Variants in DHX8 observed in about 807,000 individuals in gnomAD.
DHX8 encodes the protein ATP-dependent RNA helicase DHX8.
DHX8 carries 67 observed loss-of-function variants against 140.7 expected under a neutral mutation model. That is an observed-to-expected ratio of 0.48 (90% CI 0.39 to 0.58). The LOEUF (loss-of-function observed/expected upper bound fraction) is 0.58. Among genes scored for constraint, DHX8 ranks in the 20% least tolerant of loss-of-function variants. The probability of loss-of-function intolerance (pLI) is 0.00; values close to 1 mark genes in which losing one functional copy is unlikely to be tolerated. For synonymous variants in DHX8, 533 were observed against 553.2 expected (o/e 0.96, Z 0.51); for missense variants, 887 against 1,550.7 (o/e 0.57, Z 7.19).
chr17:43,538,995 T>G (rs536697696), intron 3 of DHX8, among the ~76,000 whole-genome samples: 80 of 152,142 alleles, frequency 5.3e-4, no homozygotes, highest in Non-Finnish European at 9.7e-4. Flanking sequence ...AGGCTAAGGC[T>G]CCATCATTTC....
Position 43,513,426 on chromosome 17 carries a change from A to G in DHX8, c.2567A>G (p.Asp856Gly). The G allele has an allele frequency of 6.2e-7, 1 of 1,614,048 alleles. No homozygotes were observed. Among genetic ancestry groups the G allele is most frequent in the South Asian group, 1.1e-5 (1 of 91,054 alleles). The change falls in exon 17 of 23, where the codon GAC (aspartate) becomes GGC (glycine). Residue 856 changes from aspartate (D) to glycine (G), a missense_variant. Around this residue, in one of 9 missense-constraint regions of DHX8, gnomAD observed 151 missense variants for 388.3 expected, o/e 0.39. Coordinates refer to ENST00000262415, the MANE Select transcript of DHX8 (RefSeq NM_004941.3). ...ATTGATGGTATCTACTATGTGGTGG[A>G]CCCAGGATTCGTGAAACAGAAAGTT... ...LTIDGIYYVV[D>G]PGFVKQKVYN...
At chr17:43,520,022 C>T (rs1970298264) in intron 18 of DHX8, 108 bp from the exon 19 acceptor site, 3 of 1,331,440 alleles carry the variant, frequency 2.3e-6, no homozygotes, top group Admixed American at 1.8e-5. Flanking sequence ...CGGTGGCTTC[C>T]TAATTGCAAT....
intron 3 of DHX8, chr17:43,536,574 GA>G: frequency 9.4e-7 from 1 of 1,068,854 alleles, no homozygotes. Context: ...CAACAGCCAA[GA>G]AAGGACCAAC....
intron 16 of DHX8, among the ~76,000 whole-genome samples, chr17:43,508,830 A>G (rs1360330479): frequency 6.6e-6 from 1 of 151,954 alleles, no homozygotes; most frequent in Non-Finnish European, 1.5e-5. Context: ...CGTGTTAGCC[A>G]GTATGGTCTC....
In DHX8 at chr17:43,525,394, A is replaced by G; in HGVS notation, c.*1547A>G. 1.0e-6 allele frequency: 1 copy of G among 982,056 alleles called. No homozygotes were observed. The highest frequency in any genetic ancestry group is 4.7e-5 in the South Asian group (1 of 21,208). 60.8% of individuals were successfully genotyped at this position (982,056 alleles called of 1,614,324 possible). ...ACCACACCCTAAAGACAATTCAGAA[A>G]GAGTCCGAGGGAGAGGAATATAGGC... On this transcript the variant is annotated 3_prime_UTR_variant, in exon 23 of 23. Coordinates refer to ENST00000262415, the MANE Select transcript of DHX8 (RefSeq NM_004941.3).
downstream of DHX8, chr17:43,529,605 G>A: frequency 6.2e-7 from 1 of 1,614,126 alleles, no homozygotes; most frequent in Non-Finnish European, 8.5e-7. Context: ...AATTGCCACA[G>A]CTGCAGGGCA....
At chr17:43,509,407 G>A (rs1033120113) in intron 16 of DHX8, among the ~76,000 whole-genome samples, 17 of 152,012 alleles carry the variant, frequency 1.1e-4, no homozygotes, top group African/African-American at 4.1e-4. Flanking sequence ...ACAGATGGAT[G>A]TAGGTATTTT....
chr17:43,513,244 TCTAGA>T (rs756164697), intron 16 of DHX8, 113 bp from the exon 17 acceptor site: 313 of 1,147,684 alleles, frequency 2.7e-4, no homozygotes, highest in Non-Finnish European at 3.5e-4. Flanking sequence ...ATTTTAACCG[TCTAGA>T]GAGAGAGATA....
chr17:43,530,635 T>TGTGTGTGA (rs765730921), downstream of DHX8, among the ~76,000 whole-genome samples: 5 of 149,720 alleles, frequency 3.3e-5, no homozygotes, highest in Non-Finnish European at 5.9e-5. Flanking sequence ...TGTGTGTGTG[T>TGTGTGTGA]GACAGAAACA....
At chr17:43,493,357 T>C (rs2069724960) in intron 6 of DHX8, 88 bp from the exon 7 acceptor site, 1 of 1,533,242 alleles carries the variant, frequency 6.5e-7, no homozygotes, top group Non-Finnish European at 8.8e-7. Flanking sequence ...TTAAGACCAT[T>C]TTCTTTTGTT....
At chr17:43,528,838 T>A, downstream of DHX8, 1 of 948,056 alleles carries the variant, frequency 1.1e-6, no homozygotes, top group Non-Finnish European at 1.6e-6. Flanking sequence ...CTTCTACCAG[T>A]ACAGGCAGAT....
intron 3 of DHX8, among the ~76,000 whole-genome samples, chr17:43,542,063 T>TACAAA (rs1971551236): frequency 1.3e-5 from 2 of 152,104 alleles, no homozygotes; most frequent in Non-Finnish European, 2.9e-5. Context: ...ACATGGGGTC[T>TACAAA]TTTTTTGACC....
chr17:43,496,543 C>T (rs561620592), intron 9 of DHX8, among the ~76,000 whole-genome samples: 21 of 152,062 alleles, frequency 1.4e-4, no homozygotes, highest in East Asian at 3.9e-4. Flanking sequence ...TTTGGGAGGC[C>T]GAGGCCAGCA....
intron 3 of DHX8, among the ~76,000 whole-genome samples, chr17:43,538,282 G>A (rs1057298237): frequency 2.0e-5 from 3 of 152,050 alleles, no homozygotes; most frequent in Admixed American, 6.6e-5. Context: ...ACTCCAGCCT[G>A]GCGACAGAGC....
At chr17:43,505,909 TTA>T (rs1266798959) in intron 12 of DHX8, among the ~76,000 whole-genome samples, 2 of 152,110 alleles carry the variant, frequency 1.3e-5, no homozygotes, top group Non-Finnish European at 2.9e-5. Flanking sequence ...CACACACATT[TTA>T]TATGAGTACT....
In DHX8 at chr17:43,493,910, C is replaced by T. The variant is rs766108824; in HGVS notation, c.1212+24C>T. The T allele has an allele frequency of 1.9e-6, 3 of 1,612,090 alleles. No individual in the cohort carries two copies. The South Asian group carries it at 3.3e-5, about 18-fold the overall frequency. On this transcript the variant is annotated intron_variant, in intron 8 of 22. Coordinates refer to ENST00000262415, the MANE Select transcript of DHX8 (RefSeq NM_004941.3). ...AGGTTGGGGCCTTTAGTTTTCATGA[C>T]CAGATAGTCATTCAGCATGTAGCAT...
chr17:43,526,485 C>T (rs1301476171), downstream of DHX8: 1 of 1,535,574 alleles, frequency 6.5e-7, no homozygotes, highest in South Asian at 1.2e-5. Flanking sequence ...CTTTGACTGT[C>T]TCTCCTGCAG....
chr17:43,505,898 GCA>G (rs769833065), intron 12 of DHX8, among the ~76,000 whole-genome samples: 5 of 151,836 alleles, frequency 3.3e-5, no homozygotes, highest in Non-Finnish European at 5.9e-5. Context: ...GCACACACAC[GCA>G]CACACATTTT....
intron 16 of DHX8, among the ~76,000 whole-genome samples, 193 bp downstream of exon 16, chr17:43,508,713 G>A (rs559913141): frequency 1.6e-3 from 244 of 151,152 alleles, no homozygotes; most frequent in Non-Finnish European, 2.8e-3. Flanking sequence ...TCCGCCTCCC[G>A]GGTTCACGCC....
Sources: gnomAD v4.1 joint callset for allele counts (sites outside exome capture counted in the v4.1 genomes callset) on GRCh38, gnomAD v4.1.1 for gene constraint, gnomAD v4.1.1 regional missense constraint, MANE v1.5 for transcripts, NCBI Gene and HGNC (gene_info 2026-07-23, HGNC 2026-07-21) for gene names.